Variants in MSRB2 observed in about 807,000 individuals in gnomAD.
MSRB2 encodes methionine sulfoxide reductase B2.
A neutral mutation model predicts 19.0 loss-of-function variants in MSRB2; 17 were observed. The ratio of observed to expected loss-of-function variants is 0.89; its 90% CI spans 0.61 to 1.34. MSRB2 has a LOEUF of 1.34. MSRB2 is among the 40% of genes most tolerant of loss of function. The pLI, the probability that MSRB2 is intolerant of heterozygous loss-of-function variation, is 0.00. For missense variants in MSRB2, 208 were observed against 237.6 expected, an observed-to-expected ratio of 0.88 and a Z score of 0.82; for synonymous variants, 107 against 99.7, an observed-to-expected ratio of 1.07 and a Z score of -0.44.
intron 1 of MSRB2, among the ~76,000 whole-genome samples, chr10:23,096,296 T>G (rs1839865663): frequency 2.0e-5 from 3 of 149,388 alleles, no homozygotes. Flanking sequence ...ACAGCCATTG[T>G]TAATGACTGA....
intron 4 of MSRB2, among the ~76,000 whole-genome samples, chr10:23,119,725 GTT>G (rs1469194832): frequency 6.6e-6 from 1 of 152,126 alleles, no homozygotes; most frequent in Non-Finnish European, 1.5e-5. Context: ...CTCCCGAGTA[GTT>G]GGGATTACAG....
chr10:23,095,601 C>A lies in MSRB2; in HGVS notation c.-8C>A, dbSNP rs1020407253. The A allele has an allele frequency of 3.4e-6, 5 of 1,474,110 alleles. No homozygotes were observed. Among genetic ancestry groups the A allele is most frequent in the Non-Finnish European group, 4.5e-6 (5 of 1,118,182 alleles). 91.3% of individuals were successfully genotyped at this position (1,474,110 alleles called of 1,614,324 possible). The stretch of plus-strand genomic sequence containing the variant: ...GGCAGAGGGCGGAGCGGCGCCGGAG[C>A]GGGCGTCATGGCGCGGCTCCTCTGG... On this transcript the variant is annotated 5_prime_UTR_variant, in exon 1 of 5. Coordinates refer to ENST00000376510, the MANE Select transcript of MSRB2 (RefSeq NM_012228.4).
intron 1 of MSRB2, among the ~76,000 whole-genome samples, chr10:23,098,561 G>A (rs896628464): frequency 5.0e-4 from 76 of 152,192 alleles, no homozygotes; most frequent in Non-Finnish European, 1.1e-3. Flanking sequence ...AGGGAATCTG[G>A]AAAATGTGTA....
At chr10:23,098,492 C>G (rs183568023) in intron 1 of MSRB2, among the ~76,000 whole-genome samples, 16 of 152,308 alleles carry the variant, frequency 1.1e-4, no homozygotes, top group Admixed American at 1.0e-3. Flanking sequence ...GTGTAGTTAT[C>G]TCATGCAATA....
At chr10:23,107,628 C>A (rs923292151) in intron 2 of MSRB2, among the ~76,000 whole-genome samples, 1 of 152,184 alleles carries the variant, frequency 6.6e-6, no homozygotes, top group Admixed American at 6.5e-5. Context: ...ACAGCGCTAC[C>A]CGAACTCCAT....
In MSRB2 at chr10:23,120,872, A is replaced by G. The variant is rs1385726993; in HGVS notation, c.*10A>G. On this transcript the variant is annotated 3_prime_UTR_variant, in exon 5 of 5. Coordinates refer to ENST00000376510, the MANE Select transcript of MSRB2 (RefSeq NM_012228.4). ...ACCAAGGAAACACTGACCATCTTCA[A>G]GAGTCCCGTTCCCTTGCCACCCCTT... is the stretch of plus-strand genomic sequence containing the variant. 1 of 1,607,246 alleles carries G rather than the reference A, an allele frequency of 6.2e-7. No homozygotes were observed. The highest frequency in any genetic ancestry group is 8.5e-7 in the Non-Finnish European group (1 of 1,174,292).
At chr10:23,113,600 G>T (rs1840077515) in intron 3 of MSRB2, among the ~76,000 whole-genome samples, 1 of 152,188 alleles carries the variant, frequency 6.6e-6, no homozygotes, top group Non-Finnish European at 1.5e-5. Flanking sequence ...ACATGTTGAA[G>T]TCTTAATCCC....
chr10:23,105,122 C>T (rs963733284), intron 2 of MSRB2, among the ~76,000 whole-genome samples: 8 of 152,062 alleles, frequency 5.3e-5, no homozygotes, highest in African/African-American at 1.9e-4. Context: ...TCTCAGCTTT[C>T]ATTCATTTTC....
rs150217989 is a variant in MSRB2 at position 23,108,643 on chromosome 10, T to C, written c.220-1599T>C. ...GGCGTGCTCCACCATGCCTGGCATT[T>C]TTTTGCATTTTTAGTAGAGATGGGG... is the stretch of plus-strand genomic sequence containing the variant. On this transcript the variant is annotated intron_variant, in intron 2 of 4. Coordinates refer to ENST00000376510, the MANE Select transcript of MSRB2 (RefSeq NM_012228.4). 5.4e-3 allele frequency among the ~76,000 whole-genome samples: 824 copies of C among 151,864 alleles called. 10 individuals carry two copies. Among genetic ancestry groups the C allele is most frequent in the African/African-American group, 0.02 (810 of 41,398 alleles).
At chr10:23,117,586 C>T (rs377296306) in intron 3 of MSRB2, among the ~76,000 whole-genome samples, 83 of 152,180 alleles carry the variant, frequency 5.5e-4, no homozygotes, top group African/African-American at 1.8e-3. Context: ...TCTGAAAATT[C>T]GAAATCTGAA....
chr10:23,097,033 C>G (rs571152385), intron 1 of MSRB2, among the ~76,000 whole-genome samples: 35 of 152,262 alleles, frequency 2.3e-4, no homozygotes, highest in African/African-American at 8.2e-4. Flanking sequence ...ATCAGACACC[C>G]CTCCTGGGAA....
intron 1 of MSRB2, among the ~76,000 whole-genome samples, chr10:23,100,601 C>CT (rs1839917294): frequency 6.6e-6 from 1 of 152,140 alleles, no homozygotes; most frequent in Non-Finnish European, 1.5e-5. Flanking sequence ...GCAAGCACAT[C>CT]TTACATGGTC....
intron 1 of MSRB2, among the ~76,000 whole-genome samples, chr10:23,103,496 T>C (rs1839947470): frequency 6.6e-6 from 1 of 152,168 alleles, no homozygotes; most frequent in African/African-American, 2.4e-5. Flanking sequence ...CTCACGTGAA[T>C]AAATGTAGTA....
intron 1 of MSRB2, among the ~76,000 whole-genome samples, chr10:23,102,824 G>T (rs554256483): frequency 6.6e-6 from 1 of 152,042 alleles, no homozygotes; most frequent in South Asian, 2.1e-4. Context: ...GACATTCTGC[G>T]TGATAACTCT....
At position 23,121,049 on chromosome 10, in the gene MSRB2, G is replaced by C. The variant is rs755680619; in HGVS notation, c.*187G>C. ...TAATCCTGTGTGTTAGGCTGTTCTT[G>C]TGTTGCTATAAAGAAGTACCTGATC... On this transcript the variant is annotated 3_prime_UTR_variant, in exon 5 of 5. Transcript: ENST00000376510. 2.5e-5 allele frequency: 12 copies of C among 488,162 alleles called. No individual in the cohort carries two copies. The South Asian group carries it at 3.9e-4, about 16-fold the overall frequency. 30.2% of individuals were successfully genotyped at this position (488,162 alleles called of 1,614,324 possible).
At chr10:23,110,120 A>G in intron 2 of MSRB2, 122 bp from the exon 3 acceptor site, 2 of 696,040 alleles carry the variant, frequency 2.9e-6, no homozygotes, top group Non-Finnish European at 4.9e-6. Context: ...CGTTATTTGC[A>G]CTTCGTCAAA....
chr10:23,101,905 T>C (rs555252598), intron 1 of MSRB2, among the ~76,000 whole-genome samples: 2 of 152,294 alleles, frequency 1.3e-5, no homozygotes, highest in South Asian at 4.1e-4. Context: ...CTCATCCGGA[T>C]CCCCCTGGTA....
Position 23,117,431 on chromosome 10 carries a change from C to T in MSRB2, c.297-1873C>T, listed in dbSNP as rs75465606. Among the ~76,000 whole-genome samples, 872 of 152,066 alleles carry T rather than the reference C, an allele frequency of 5.7e-3. 7 individuals carry two copies. Among genetic ancestry groups the T allele is most frequent in the African/African-American group, 0.02 (847 of 41,458 alleles). On this transcript the variant is annotated intron_variant, in intron 3 of 4. Coordinates refer to ENST00000376510, the MANE Select transcript of MSRB2 (RefSeq NM_012228.4). ...AGATTCAGTTGTCTTTTTTTTAAGC[C>T]GGATGTTAAAGAGCCTTGCAAAATT...
chr10:23,120,787 T>G lies in MSRB2; in HGVS notation c.474T>G (p.Pro158=). 1 of 1,614,164 alleles carries G rather than the reference T, an allele frequency of 6.2e-7. No homozygotes were observed. The highest frequency in any genetic ancestry group is 8.5e-7 in the Non-Finnish European group (1 of 1,180,020). Residue 158 remains proline (P), a synonymous_variant, in exon 5 of 5, where the codon CCT becomes CCG. Transcript: ENST00000376510. ...QCEAHLGHVF[P]DGPGPNGQRF... is the part of the protein sequence containing the mutation. ...AAGCTCATCTAGGTCACGTGTTTCC[T>G]GATGGACCTGGGCCCAATGGTCAGA...
Sources: allele counts gnomAD v4.1 joint callset (sites outside exome capture counted in the v4.1 genomes callset), GRCh38; gene constraint gnomAD v4.1.1; transcripts MANE v1.5; gene names NCBI Gene and HGNC (gene_info 2026-07-23, HGNC 2026-07-21).